GTF2B: variants seen among roughly 807,000 people sequenced by gnomAD.
GTF2B encodes the protein transcription initiation factor IIB.
GTF2B carries 20 observed loss-of-function variants against 34.6 expected under a neutral mutation model. That is an observed-to-expected ratio of 0.58 (90% CI 0.41 to 0.84). The LOEUF (loss-of-function observed/expected upper bound fraction) is 0.84. GTF2B is among the 40% of genes least tolerant of loss of function. The pLI is 0.00. For synonymous variants in GTF2B, 142 were observed against 132.4 expected (o/e 1.07, Z -0.50); for missense variants, 237 against 393.3 (o/e 0.60, Z 3.36).
At chr1:88,881,526 G>A (rs1222673078) in intron 2 of GTF2B, among the ~76,000 whole-genome samples, 1 of 152,032 alleles carries the variant, frequency 6.6e-6, no homozygotes, top group African/African-American at 2.4e-5. Context: ...AACTTAATTT[G>A]CTTGATGATA....
intron 2 of GTF2B, among the ~76,000 whole-genome samples, chr1:88,879,029 TA>T (rs1265194405): frequency 6.6e-6 from 1 of 152,184 alleles, no homozygotes; most frequent in African/African-American, 2.4e-5. Flanking sequence ...ATGGTTGTTG[TA>T]AGCCACTAAG....
intron 2 of GTF2B, among the ~76,000 whole-genome samples, chr1:88,879,522 T>C (rs531646592): frequency 6.6e-6 from 1 of 151,058 alleles, no homozygotes; most frequent in Non-Finnish European, 1.5e-5. Context: ...AGGTGGAGGT[T>C]GCAGTGAGCC....
intron 2 of GTF2B, among the ~76,000 whole-genome samples, chr1:88,868,576 T>C (rs1557656283): frequency 1.3e-5 from 2 of 152,188 alleles, no homozygotes; most frequent in South Asian, 4.1e-4. Flanking sequence ...TCTTACCATA[T>C]TCTGAAGAGA....
chr1:88,857,142 TG>T lies in GTF2B; in HGVS notation c.817+63del, dbSNP rs984300014. 14 of 1,447,316 alleles carry T rather than the reference TG, an allele frequency of 9.7e-6. No homozygotes were observed. The African/African-American group carries it at 1.8e-4, about 19-fold the overall frequency. 89.7% of individuals were successfully genotyped at this position (1,447,316 alleles called of 1,614,324 possible). On this transcript the variant is annotated intron_variant, in intron 6 of 6. Transcript: ENST00000370500. Reference sequence around the variant, plus strand: ...CTATTTACCCGGTTCAGACTTAAAATGGAAAAACAATCACATGCTGCAAATT... The same window carrying T: ...CTATTTACCCGGTTCAGACTTAAAATGAAAAACAATCACATGCTGCAAATT...
intron 2 of GTF2B, among the ~76,000 whole-genome samples, chr1:88,870,035 C>T (rs1673652781): frequency 6.6e-6 from 1 of 151,948 alleles, no homozygotes; most frequent in Non-Finnish European, 1.5e-5. Flanking sequence ...TCACGCCCTT[C>T]TCCTGCCTCA....
At chr1:88,882,310 C>CAAA (rs59699371) in intron 2 of GTF2B, among the ~76,000 whole-genome samples, 6 of 36,012 alleles carry the variant, frequency 1.7e-4, no homozygotes, top group African/African-American at 3.2e-4. Flanking sequence ...ACTCTCACTC[C>CAAA]AAAAAAAAAA....
At chr1:88,879,604 T>C (rs993104836) in intron 2 of GTF2B, among the ~76,000 whole-genome samples, 2 of 142,368 alleles carry the variant, frequency 1.4e-5, no homozygotes, top group Admixed American at 7.0e-5. Context: ...AAAAAAGTAA[T>C]AGTAATGGGC....
At chr1:88,871,705 AG>A (rs1449181752) in intron 2 of GTF2B, among the ~76,000 whole-genome samples, 2 of 152,196 alleles carry the variant, frequency 1.3e-5, no homozygotes, top group East Asian at 3.8e-4. Flanking sequence ...TTATGTATAA[AG>A]TCGTATAAAA....
At chr1:88,872,455 T>A (rs1260538102) in intron 2 of GTF2B, among the ~76,000 whole-genome samples, 3,103 of 74,798 alleles carry the variant, frequency 0.041, no homozygotes, top group East Asian at 0.059. Context: ...TCCATCTCAA[T>A]AAAAAAAAAA....
chr1:88,857,494 GA>G lies in GTF2B; in HGVS notation c.536-8del, dbSNP rs751489660. ...CGTGATACGGCACATATTTCTAAAAGAAAAAAAATTAAATAAATCAATTCAC... is the reference window on the plus strand; with the variant it reads ...CGTGATACGGCACATATTTCTAAAAGAAAAAAATTAAATAAATCAATTCAC... On this transcript the variant is annotated splice_region_variant and splice_polypyrimidine_tract_variant and intron_variant, in intron 5 of 6. Transcript: ENST00000370500. The G allele has an allele frequency of 3.3e-5, 49 of 1,470,690 alleles. No individual in the cohort carries two copies. Among genetic ancestry groups the G allele is most frequent in the South Asian group, 9.5e-5 (8 of 84,484 alleles). The allele number at this position is 1,470,690 out of a possible 1,614,324, so 91.1% of individuals were successfully genotyped here.
intron 2 of GTF2B, among the ~76,000 whole-genome samples, chr1:88,866,116 CTTTGGGAGGCTTAA>C (rs1673554584): frequency 6.6e-6 from 1 of 152,112 alleles, no homozygotes. Context: ...AATCTTAGCA[CTTTGGGAGGCTTAA>C]GCAGGAAAAT....
At position 88,860,086 on chromosome 1, in the gene GTF2B, A is replaced by G. The variant is rs974519087; in HGVS notation, c.405+54T>C. 29 of 1,610,718 alleles carry G rather than the reference A, an allele frequency of 1.8e-5. 1 individual carries two copies. In the African/African-American group the frequency reaches 2.9e-4, roughly 16 times the overall value. On this transcript the variant is annotated intron_variant, in intron 4 of 6. Coordinates refer to ENST00000370500, the MANE Select transcript of GTF2B (RefSeq NM_001514.6). ...AATATCAAAATTTCATGTGTTCATT[A>G]AATTATGCAAAGTCAATGCCAGAAT... is the stretch of plus-strand genomic sequence containing the variant.
chr1:88,887,491 T>C (rs1240125102), intron 1 of GTF2B, 124 bp from the exon 2 acceptor site: 1 of 656,220 alleles, frequency 1.5e-6, no homozygotes, highest in Non-Finnish European at 2.7e-6. Flanking sequence ...CTGTAACACA[T>C]ATAAGCTAGA....
At chr1:88,891,120 C>CG (rs36020480) in intron 1 of GTF2B, among the ~76,000 whole-genome samples, 2,485 of 6,412 alleles carry the variant, frequency 0.39, 427 homozygotes, top group Middle Eastern at 0.5. Context: ...AAAAAACAAG[C>CG]GGGGGGGGGG....
At chr1:88,855,363 T>TTG (rs896448222) in intron 6 of GTF2B, among the ~76,000 whole-genome samples, 3 of 149,944 alleles carry the variant, frequency 2.0e-5, no homozygotes, top group African/African-American at 7.4e-5. Context: ...GTTTTTGTTT[T>TTG]TTTTTTTTTT....
At chr1:88,859,201 TAC>T (rs1673383793) in intron 5 of GTF2B, among the ~76,000 whole-genome samples, 1 of 152,144 alleles carries the variant, frequency 6.6e-6, no homozygotes, top group South Asian at 2.1e-4. Flanking sequence ...CTCCCTCATC[TAC>T]AGAGACCAGT....
intron 2 of GTF2B, among the ~76,000 whole-genome samples, chr1:88,882,515 G>A (rs1673974805): frequency 6.6e-6 from 1 of 151,806 alleles, no homozygotes; most frequent in South Asian, 2.1e-4. Context: ...AGTATTTTAG[G>A]TTTTGTGGGT....
At position 88,860,272 on chromosome 1, in the gene GTF2B, T is replaced by A; in HGVS notation, c.273A>T (p.Ala91=). The A allele has an allele frequency of 6.2e-7, 1 of 1,614,004 alleles. No homozygotes were observed. Among genetic ancestry groups the A allele is most frequent in the Non-Finnish European group, 8.5e-7 (1 of 1,179,932 alleles). Residue 91 remains alanine, a synonymous_variant, in exon 4 of 7, where the codon GCA becomes GCT. Coordinates refer to ENST00000370500, the MANE Select transcript of GTF2B (RefSeq NM_001514.6). ...STMIGKGTGA[A]SFDEFGNSKY... ...TAGAATTGCCAAATTCGTCAAAACT[T>A]GCAGCTCCTGTGCCCTATAAAACAG...
At position 88,860,221 on chromosome 1, in the gene GTF2B, G is replaced by C. The variant is rs762642710; in HGVS notation, c.324C>G (p.Ser108Arg). 6 of 1,613,216 alleles carry C rather than the reference G, an allele frequency of 3.7e-6. No individual in the cohort carries two copies. The Admixed American group carries it at 1.0e-4, about 27-fold the overall frequency. ...NSKYQNRRTM[S>R]SSDRAMMNAF... ...CATTCATCATTGCCCGATCAGAACT[G>C]CTCATTGTTCTCCGATTCTGGTACT... is the stretch of plus-strand genomic sequence containing the variant. Residue 108 changes from serine to arginine, a missense_variant, in exon 4 of 7, where the codon AGC becomes AGG. Physicochemically the swap from Ser to Arg is moderately radical, Grantham distance 110. Around this residue, in one of 3 missense-constraint regions of GTF2B, gnomAD observed 130 missense variants for 170.9 expected, o/e 0.76. Transcript: ENST00000370500.
Sources: allele counts gnomAD v4.1 joint callset (sites outside exome capture counted in the v4.1 genomes callset), GRCh38; gene constraint gnomAD v4.1.1; regional missense constraint gnomAD v4.1.1; transcripts MANE v1.5; gene names NCBI Gene and HGNC (gene_info 2026-07-23, HGNC 2026-07-21).